The following CNKSR2 variants were observed in gnomAD, a reference collection of about 807,000 sequenced individuals.
CNKSR2 encodes the protein CNK homolog protein 2.
CNKSR2 carries 14 observed loss-of-function variants against 84.4 expected under a neutral mutation model. The observed-to-expected ratio is 0.17, with a 90% CI of 0.11 to 0.26. The LOEUF (loss-of-function observed/expected upper bound fraction) is 0.26, where lower values mean the gene tolerates loss of function less well. CNKSR2 is among the 10% of genes least tolerant of loss of function. The probability of loss-of-function intolerance (pLI) is 1.00; values close to 1 mark genes in which losing one functional copy is unlikely to be tolerated. For missense variants in CNKSR2, 485 were observed against 771.2 expected, an observed-to-expected ratio of 0.63 and a Z score of 4.40; for synonymous variants, 275 against 277.9, an observed-to-expected ratio of 0.99 and a Z score of 0.10.
At chrX:21,622,480 T>A (rs1480895273) in intron 20 of CNKSR2, among the ~76,000 whole-genome samples, 1 of 111,730 alleles carries the variant, frequency 9.0e-6, no homozygotes, top group African/African-American at 3.2e-5. Context: ...TTTAATTTTT[T>A]AAAAGTACTG....
chrX:21,486,450 T>G (rs1442530823), intron 5 of CNKSR2, among the ~76,000 whole-genome samples: 1 of 112,284 alleles, frequency 8.9e-6, no homozygotes, highest in Non-Finnish European at 1.9e-5. Context: ...AAAAGTCCAG[T>G]GCTAAGCATA....
At chrX:21,575,891 A>G (rs936237656) in intron 13 of CNKSR2, among the ~76,000 whole-genome samples, 3 of 112,492 alleles carry the variant, frequency 2.7e-5, no homozygotes, top group Non-Finnish European at 5.6e-5. Flanking sequence ...CTAAGAAGAC[A>G]TGACAATCTT....
intron 1 of CNKSR2, among the ~76,000 whole-genome samples, chrX:21,403,164 A>G (rs1275598802): frequency 9.0e-6 from 1 of 110,712 alleles, no homozygotes; most frequent in African/African-American, 3.3e-5. Context: ...ACAATAGGAA[A>G]ATTTTCTTCT....
At chrX:21,573,704 A>G (rs1006797584) in intron 13 of CNKSR2, among the ~76,000 whole-genome samples, 5 of 111,297 alleles carry the variant, frequency 4.5e-5, no homozygotes, top group Non-Finnish European at 9.4e-5. Flanking sequence ...TAGGCTGCAC[A>G]CAGCAGAGGG....
chrX:21,376,786 C>G (rs779729408), intron 1 of CNKSR2, among the ~76,000 whole-genome samples: 1 of 111,928 alleles, frequency 8.9e-6, no homozygotes, highest in African/African-American at 3.2e-5. Context: ...TCATAGACTA[C>G]CTTTCGCAAA....
At chrX:21,648,662 A>G (rs1407992649) in intron 20 of CNKSR2, among the ~76,000 whole-genome samples, 169 bp from the exon 21 acceptor site, 1 of 110,638 alleles carries the variant, frequency 9.0e-6, no homozygotes, top group Non-Finnish European at 1.9e-5. Flanking sequence ...GTTTTTTAAT[A>G]TAATAGTGTT....
intron 1 of CNKSR2, among the ~76,000 whole-genome samples, chrX:21,411,520 G>A (rs766176457): frequency 2.7e-5 from 3 of 111,458 alleles, no homozygotes; most frequent in Non-Finnish European, 3.8e-5. Flanking sequence ...TTTTCAGAAC[G>A]TGAGTCTGAA....
intron 17 of CNKSR2, among the ~76,000 whole-genome samples, chrX:21,597,599 A>G (rs1344875556): frequency 9.0e-6 from 1 of 110,890 alleles, no homozygotes; most frequent in Non-Finnish European, 1.9e-5. Flanking sequence ...GAAGATTTTT[A>G]ATTACTTGTT....
chrX:21,573,379 G>A (rs1007519636), intron 13 of CNKSR2, among the ~76,000 whole-genome samples: 89 of 112,303 alleles, frequency 7.9e-4, no homozygotes, highest in Middle Eastern at 4.6e-3. Context: ...CTACTAGGCA[G>A]TGCCCCAGTG....
chrX:21,476,925 T>TTA (rs2091266191), intron 5 of CNKSR2, among the ~76,000 whole-genome samples: 1 of 112,191 alleles, frequency 8.9e-6, no homozygotes, highest in African/African-American at 3.2e-5. Flanking sequence ...CAGATCCTTG[T>TTA]TTTATATAAC....
intron 1 of CNKSR2, among the ~76,000 whole-genome samples, chrX:21,397,187 G>A (rs976774979): frequency 9.0e-6 from 1 of 111,415 alleles, no homozygotes; most frequent in African/African-American, 3.3e-5. Context: ...ACGCAGTCCA[G>A]TGCAACAGGA....
At chrX:21,541,883 T>C (rs1226440326) in intron 11 of CNKSR2, among the ~76,000 whole-genome samples, 1 of 112,063 alleles carries the variant, frequency 8.9e-6, no homozygotes, top group East Asian at 2.8e-4. Context: ...TTACCAGTGG[T>C]AATGCTAGCT....
chrX:21,612,690 A>ACAT (rs1413172842), intron 20 of CNKSR2, among the ~76,000 whole-genome samples: 1 of 111,973 alleles, frequency 8.9e-6, no homozygotes, highest in Non-Finnish European at 1.9e-5. Flanking sequence ...ATATCACAAT[A>ACAT]TATGTTATAT....
intron 20 of CNKSR2, among the ~76,000 whole-genome samples, chrX:21,635,503 T>A (rs184170493): frequency 0.13 from 13,770 of 104,541 alleles, 2,225 homozygotes; most frequent in African/African-American, 0.45. Context: ...TGTATATATG[T>A]ATATATGTAT....
In CNKSR2 at chrX:21,563,459, A is replaced by C; in HGVS notation, c.1608+7A>C. On this transcript the variant is annotated splice_region_variant and intron_variant, in intron 13 of 21. Transcript: ENST00000379510. ...AGAGACCACACTATACCATGTAAGT[A>C]AAATTTCAAAGACTCTTCAATACAG... 6 of 1,168,109 alleles carry C rather than the reference A, an allele frequency of 5.1e-6. No individual in the cohort carries two copies. The highest frequency in any genetic ancestry group is 7.0e-6 in the Non-Finnish European group (6 of 860,167).
Position 21,646,785 on chromosome X carries a change from A to G in CNKSR2, c.2693-2046A>G, listed in dbSNP as rs928468883. ...ACCCCACCCTCTACTCTATGAAATT[A>G]CATCTGGCTTTAGATGCAGTATTGC... On this transcript the variant is annotated intron_variant, in intron 20 of 21. Coordinates refer to ENST00000379510, the MANE Select transcript of CNKSR2 (RefSeq NM_014927.5). Among the ~76,000 whole-genome samples the G allele has an allele frequency of 8.0e-5, 9 of 111,827 alleles. No individual in the cohort carries two copies. The Admixed American group carries it at 8.6e-4, about 11-fold the overall frequency.
chrX:21,534,407 A>C, intron 11 of CNKSR2, among the ~76,000 whole-genome samples: 1 of 110,498 alleles, frequency 9.0e-6, no homozygotes, highest in Non-Finnish European at 1.9e-5. Flanking sequence ...GGGAGTACAG[A>C]TATCTCTTTG....
At chrX:21,423,924 C>G (rs2090531856) in intron 1 of CNKSR2, 1 of 110,174 alleles carries the variant, frequency 9.1e-6, no homozygotes, top group Admixed American at 9.7e-5. Context: ...CTCTCTTTAC[C>G]CATTTATTTT....
At chrX:21,475,364 A>G (rs1449266788) in intron 5 of CNKSR2, among the ~76,000 whole-genome samples, 1 of 112,217 alleles carries the variant, frequency 8.9e-6, no homozygotes, top group Non-Finnish European at 1.9e-5. Flanking sequence ...AAGTATTTTT[A>G]ACAAATGAGT....
Sources: allele counts gnomAD v4.1 joint callset (sites outside exome capture counted in the v4.1 genomes callset), GRCh38; gene constraint gnomAD v4.1.1; transcripts MANE v1.5; gene names NCBI Gene and HGNC (gene_info 2026-07-23, HGNC 2026-07-21).